GCDH: variants seen among roughly 807,000 people sequenced by gnomAD.
GCDH encodes the protein glutaryl-CoA dehydrogenase.
A neutral mutation model predicts 52.8 loss-of-function variants in GCDH; 31 were observed. The ratio of observed to expected loss-of-function variants is 0.59; its 90% CI spans 0.44 to 0.79. The LOEUF is 0.79. GCDH is among the 30% of genes least tolerant of loss of function. The probability of loss-of-function intolerance (pLI) is 0.00; values close to 1 mark genes in which losing one functional copy is unlikely to be tolerated. For synonymous variants in GCDH, 242 were observed against 250.0 expected (o/e 0.97, Z 0.30); for missense variants, 509 against 595.0 (o/e 0.86, Z 1.50).
rs144026129 is a variant in GCDH, at chr19:12,893,139, G to A, written c.335-344G>A. ...TGACCTCAGGTGATCCACCCACCTC[G>A]GCCTCCCAAAGTGCTGGGATTATAA... is the stretch of plus-strand genomic sequence containing the variant. On this transcript the variant is annotated intron_variant, in intron 5 of 11. Transcript: ENST00000222214. 7.8e-3 allele frequency among the ~76,000 whole-genome samples: 1,179 copies of A among 151,932 alleles called. 15 individuals are homozygous for A. Among genetic ancestry groups the A allele is most frequent in the African/African-American group, 0.027 (1,108 of 41,422 alleles).
At position 12,891,913 on chromosome 19, in the gene GCDH, C is replaced by T. The variant is rs1437028144; in HGVS notation, c.210C>T (p.Thr70=). ...CAGATGAGATCCTCATCAGGGACAC[C>T]TTCCGCACCTACTGCCAGGAGAGAC... ...LTTDEILIRD[T]FRTYCQERLM... Residue 70 remains threonine, a synonymous_variant, in exon 4 of 12, where the codon ACC becomes ACT. Transcript: ENST00000222214. 4 of 1,614,208 alleles carry T rather than the reference C, an allele frequency of 2.5e-6. No homozygotes were observed. The highest frequency in any genetic ancestry group is 2.2e-5 in the East Asian group (1 of 44,884).
intron 6 of GCDH, chr19:12,894,739 T>C (rs2145947101): frequency 1.2e-6 from 1 of 833,242 alleles, no homozygotes. Flanking sequence ...TTAAGAAAAA[T>C]AAAGAAGAGG....
chr19:12,896,803 C>G lies in GCDH; in HGVS notation c.853-107C>G, dbSNP rs573147176. On this transcript the variant is annotated intron_variant, in intron 8 of 11. Coordinates refer to ENST00000222214, the MANE Select transcript of GCDH (RefSeq NM_000159.4). The surrounding 1 kb of genome is among the most constrained non-coding windows in gnomAD (Gnocchi z 5.5). Reference sequence around the variant, plus strand: ...GATGTGAACCACAACCTGAGTCCCCCTGCGTGGGGTGGCTGGGGAGGAGGC... The same window carrying G: ...GATGTGAACCACAACCTGAGTCCCCGTGCGTGGGGTGGCTGGGGAGGAGGC... The G allele has an allele frequency of 1.3e-4, 102 of 779,250 alleles. No homozygotes were observed. The highest frequency in any genetic ancestry group is 2.1e-4 in the Non-Finnish European group (92 of 447,918). The allele number at this position is 779,250 out of a possible 1,614,324, so 48.3% of individuals were successfully genotyped here.
rs762374112 is a variant in GCDH, at chr19:12,896,371, G to A, written c.802G>A (p.Gly268Ser). The A allele has an allele frequency of 6.8e-6, 11 of 1,613,992 alleles. No individual in the cohort carries two copies. Among genetic ancestry groups the A allele is most frequent in the South Asian group, 6.6e-5 (6 of 91,076 alleles). ...AGCCACAGGCATGATCATCATGGAC[G>A]GTGTGGAGGTGCCAGAGGAGAATGT... Reference protein sequence around the residue: ...ASATGMIIMDGVEVPEENVLP... With the variant: ...ASATGMIIMDSVEVPEENVLP... The change falls in exon 8 of 12, where the codon GGT becomes AGT. Residue 268 changes from glycine to serine, a missense_variant. Transcript: ENST00000222214. This position sits in a 1 kb window ranked among gnomAD's most constrained non-coding sequence, Gnocchi z 5.5.
chr19:12,891,919 C>T lies in GCDH; in HGVS notation c.216C>T (p.Arg72=), dbSNP rs1970566527. Residue 72 remains arginine (R), a synonymous_variant, in exon 4 of 12, where the codon CGC becomes CGT. Coordinates refer to ENST00000222214, the MANE Select transcript of GCDH (RefSeq NM_000159.4). ...AGATCCTCATCAGGGACACCTTCCG[C>T]ACCTACTGCCAGGAGAGACTCATGC... The part of the protein sequence containing the change: ...TDEILIRDTF[R]TYCQERLMPR... The T allele has an allele frequency of 1.2e-6, 2 of 1,614,210 alleles. No individual in the cohort carries two copies. The highest frequency in any genetic ancestry group is 1.7e-6 in the Non-Finnish European group (2 of 1,180,014).
chr19:12,899,602 C>A lies in GCDH; in HGVS notation c.*61C>A. 6.2e-7 allele frequency: 1 copy of A among 1,613,468 alleles called. No individual in the cohort carries two copies. ...TTTCTGGAGAGATGCCTGGCTGGAC[C>A]GTAGGAGCGCTGTGCTCTGAGCTTA... On this transcript the variant is annotated 3_prime_UTR_variant, in exon 12 of 12. Transcript: ENST00000222214.
rs767895203 is a variant in GCDH at position 12,897,856 on chromosome 19, C to T, written c.1236C>T (p.Thr412=). The T allele has an allele frequency of 9.3e-6, 15 of 1,613,596 alleles. No homozygotes were observed. Among genetic ancestry groups the T allele is most frequent in the Non-Finnish European group, 1.0e-5 (12 of 1,179,764 alleles). ...CCATGAACCTGGAGGCCGTGAACAC[C>T]TACGAAGGTAGGAGCTGGACCTCAG... is the stretch of plus-strand genomic sequence containing the variant. The part of the protein sequence containing the change: ...RHAMNLEAVN[T]YEGTHDIHAL... Residue 412 remains threonine, a synonymous_variant, in exon 11 of 12, where the codon ACC becomes ACT. Transcript: ENST00000222214.
At chr19:12,892,879 CTTTTTTT>C (rs1044140707) in intron 5 of GCDH, among the ~76,000 whole-genome samples, 3 of 130,778 alleles carry the variant, frequency 2.3e-5, no homozygotes, top group African/African-American at 8.5e-5. Flanking sequence ...CGGCCCTTTT[CTTTTTTT>C]TTTTTTTTTG....
Position 12,899,367 on chromosome 19 carries a change from G to C in GCDH, c.1244-101G>C, listed in dbSNP as rs754877145. 6.2e-7 allele frequency: 1 copy of C among 1,614,134 alleles called. No individual in the cohort carries two copies. Among genetic ancestry groups the C allele is most frequent in the East Asian group, 2.2e-5 (1 of 44,882 alleles). ...CAGCATTCACCATCTCTGTTGGTCT[G>C]TACTTCTGAAGCAGTGGCCTGGGGA... On this transcript the variant is annotated intron_variant, in intron 11 of 11. Coordinates refer to ENST00000222214, the MANE Select transcript of GCDH (RefSeq NM_000159.4).
chr19:12,898,315 C>A, intron 11 of GCDH: 1 of 181,238 alleles, frequency 5.5e-6, no homozygotes, highest in Non-Finnish European at 1.2e-5. Flanking sequence ...ACATGGGGGT[C>A]CAGAACCCCT....
chr19:12,893,887 G>A, intron 6 of GCDH: 1 of 612,010 alleles, frequency 1.6e-6, no homozygotes, highest in South Asian at 1.9e-5. Flanking sequence ...CCCCAGTCCA[G>A]CCCAAAGTTT....
intron 5 of GCDH, among the ~76,000 whole-genome samples, chr19:12,892,989 A>G (rs1290384374): frequency 6.8e-6 from 1 of 146,806 alleles, no homozygotes; most frequent in Non-Finnish European, 1.5e-5. Flanking sequence ...AGGTTCAAGC[A>G]ATTCTGCCAC....
chr19:12,898,086 G>A (rs780938861), intron 11 of GCDH: 55 of 571,680 alleles, frequency 9.6e-5, no homozygotes, highest in South Asian at 7.8e-5. Flanking sequence ...CAGGCCTTGC[G>A]AGGGGCTCCC....
intron 11 of GCDH, chr19:12,898,757 G>C (rs1332218482): frequency 6.1e-6 from 1 of 163,444 alleles, no homozygotes; most frequent in African/African-American, 2.4e-5. Context: ...ACTCCAGCCT[G>C]GGTGACAGAG....
intron 5 of GCDH, among the ~76,000 whole-genome samples, chr19:12,892,809 C>G (rs1970590235): frequency 6.6e-6 from 1 of 151,948 alleles, no homozygotes; most frequent in South Asian, 2.1e-4. Context: ...TCTCGAACTC[C>G]TGACCTCAGG....
intron 6 of GCDH, chr19:12,894,095 T>C: frequency 1.1e-6 from 1 of 918,660 alleles, no homozygotes; most frequent in Non-Finnish European, 1.7e-6. Flanking sequence ...ACGTTGGCCC[T>C]CTTCCGTGGT....
intron 6 of GCDH, among the ~76,000 whole-genome samples, chr19:12,895,318 G>C (rs1970648204): frequency 6.6e-6 from 1 of 152,048 alleles, no homozygotes. Flanking sequence ...GAAGTGCAGT[G>C]GTACAATCTT....
chr19:12,894,010 G>C (rs954268878), intron 6 of GCDH: 20 of 586,744 alleles, frequency 3.4e-5, no homozygotes, highest in African/African-American at 3.0e-4. Context: ...AAACCAGCCT[G>C]GGCAACGTAA....
Position 12,897,025 on chromosome 19 carries a change from C to T in GCDH, c.956+12C>T, listed in dbSNP as rs768644978. 1.9e-6 allele frequency: 3 copies of T among 1,597,294 alleles called. No homozygotes were observed. In the African/African-American group the frequency reaches 4.0e-5, roughly 21 times the overall value. ...TACGCCCTCGACAGGTGTGTGAGGG[C>T]TGCAGTGAGATTCTCTGGGGGTGTG... On this transcript the variant is annotated intron_variant, in intron 9 of 11. Coordinates refer to ENST00000222214, the MANE Select transcript of GCDH (RefSeq NM_000159.4).
Sources: allele counts gnomAD v4.1 joint callset (sites outside exome capture counted in the v4.1 genomes callset), GRCh38; gene constraint gnomAD v4.1.1; non-coding constraint Gnocchi (gnomAD v3.1); transcripts MANE v1.5; gene names NCBI Gene and HGNC (gene_info 2026-07-23, HGNC 2026-07-21).